Variants in EPB41L4A observed in about 807,000 individuals in gnomAD.
The protein encoded by EPB41L4A is erythrocyte membrane protein band 4.1 like 4A.
EPB41L4A carries 100 observed loss-of-function variants against 108.6 expected under a neutral mutation model. The observed-to-expected ratio is 0.92, with a 90% CI of 0.78 to 1.09. The LOEUF (loss-of-function observed/expected upper bound fraction) is 1.09. Among genes scored for constraint, EPB41L4A ranks in the 50% least tolerant of loss-of-function variants. The probability of loss-of-function intolerance (pLI) is 0.00; values close to 1 mark genes in which losing one functional copy is unlikely to be tolerated. For missense variants in EPB41L4A, 1,030 were observed against 842.7 expected (o/e 1.22, Z -2.75); for synonymous variants, 319 against 289.0 (o/e 1.10, Z -1.05).
At chr5:112,404,660 T>C (rs940676590) in intron 1 of EPB41L4A, among the ~76,000 whole-genome samples, 3 of 152,216 alleles carry the variant, frequency 2.0e-5, no homozygotes, top group African/African-American at 7.2e-5. Flanking sequence ...TTCTTTCTTA[T>C]TGTAGACACT....
chr5:112,369,932 A>G (rs1022661185), intron 1 of EPB41L4A, among the ~76,000 whole-genome samples: 2 of 150,554 alleles, frequency 1.3e-5, no homozygotes, highest in East Asian at 1.9e-4. Context: ...AGGTCTGAAG[A>G]ACTGTTTCCA....
At chr5:112,275,766 A>T (rs919659125) in intron 3 of EPB41L4A, among the ~76,000 whole-genome samples, 2 of 150,220 alleles carry the variant, frequency 1.3e-5, no homozygotes, top group African/African-American at 2.4e-5. Flanking sequence ...CATTTCATTA[A>T]AAAAAAATAG....
At chr5:112,305,585 A>T (rs1450040166) in intron 2 of EPB41L4A, among the ~76,000 whole-genome samples, 1 of 152,118 alleles carries the variant, frequency 6.6e-6, no homozygotes, top group Non-Finnish European at 1.5e-5. Context: ...CTTCTAATAT[A>T]CTTTTGATAA....
At chr5:112,370,622 G>T (rs1057181793) in intron 1 of EPB41L4A, among the ~76,000 whole-genome samples, 2 of 152,134 alleles carry the variant, frequency 1.3e-5, no homozygotes, top group Non-Finnish European at 2.9e-5. Context: ...CAACTTAAAA[G>T]TAAGTAACGA....
At chr5:112,239,229 G>A (rs918026084) in intron 11 of EPB41L4A, among the ~76,000 whole-genome samples, 9 of 152,214 alleles carry the variant, frequency 5.9e-5, no homozygotes, top group Non-Finnish European at 1.2e-4. Flanking sequence ...ATTACTACAT[G>A]CAGGCTTCAT....
chr5:112,339,542 A>AGATATATATATATATATT (rs1554100085), intron 1 of EPB41L4A, among the ~76,000 whole-genome samples: 1 of 110,684 alleles, frequency 9.0e-6, no homozygotes, highest in African/African-American at 2.9e-5. Flanking sequence ...ATATATATAT[A>AGATATATATATATATATT]TTTTTTTTTT....
rs573499376 is a variant in EPB41L4A at position 112,308,241 on chromosome 5, C to T, written c.100-751G>A. On this transcript the variant is annotated intron_variant, in intron 1 of 22. Transcript: ENST00000261486. ...AGATACAGCCTCTTCCTTTCTCTCG[C>T]CCCATCTCTGGCTGGTATAATAAGA... 1.2e-3 allele frequency among the ~76,000 whole-genome samples: 178 copies of T among 152,248 alleles called. 1 individual carries two copies. Among genetic ancestry groups the T allele is most frequent in the African/African-American group, 4.1e-3 (170 of 41,550 alleles).
chr5:112,412,547 A>G (rs1337346971), intron 1 of EPB41L4A, among the ~76,000 whole-genome samples: 1 of 152,238 alleles, frequency 6.6e-6, no homozygotes, highest in African/African-American at 2.4e-5. Context: ...TTTTTGAGTC[A>G]CAAAGTAAAC....
intron 1 of EPB41L4A, among the ~76,000 whole-genome samples, chr5:112,378,530 T>C (rs897220018): frequency 6.6e-6 from 1 of 152,174 alleles, no homozygotes; most frequent in East Asian, 1.9e-4. Context: ...CCAGACATTG[T>C]TTCCTCGATA....
intron 12 of EPB41L4A, among the ~76,000 whole-genome samples, chr5:112,156,196 A>G (rs980854418): frequency 2.0e-5 from 3 of 152,182 alleles, no homozygotes; most frequent in Non-Finnish European, 4.4e-5. Context: ...AAAAAAAACT[A>G]TTAGCAATGT....
intron 12 of EPB41L4A, among the ~76,000 whole-genome samples, chr5:112,218,629 GT>G (rs1231542521): frequency 1.4e-4 from 22 of 152,122 alleles, no homozygotes; most frequent in Admixed American, 8.5e-4. Context: ...TACTTTTGAG[GT>G]TTTTATTTGA....
chr5:112,344,569 GT>G (rs1249426406), intron 1 of EPB41L4A, among the ~76,000 whole-genome samples: 1 of 152,206 alleles, frequency 6.6e-6, no homozygotes, highest in African/African-American at 2.4e-5. Context: ...TACTATGTAG[GT>G]GTGATTGAAG....
intron 9 of EPB41L4A, chr5:112,256,873 G>C (rs1326959790): frequency 6.6e-6 from 1 of 151,964 alleles, no homozygotes; most frequent in Non-Finnish European, 1.5e-5. Flanking sequence ...GGTATTTTCT[G>C]GATTTTCTAC....
intron 18 of EPB41L4A, among the ~76,000 whole-genome samples, chr5:112,171,804 T>C (rs1385560588): frequency 6.6e-6 from 1 of 152,214 alleles, no homozygotes; most frequent in Non-Finnish European, 1.5e-5. Flanking sequence ...GAAAATAAGC[T>C]TTCATCAGTC....
At chr5:112,205,591 A>C in intron 13 of EPB41L4A, 87 bp from the exon 14 acceptor site, 1 of 1,048,020 alleles carries the variant, frequency 9.5e-7, no homozygotes, top group Non-Finnish European at 1.4e-6. Context: ...AAAACTTTTT[A>C]ACAAATGTTA....
chr5:112,403,315 T>C (rs1693103205), intron 1 of EPB41L4A, among the ~76,000 whole-genome samples: 1 of 142,174 alleles, frequency 7.0e-6, no homozygotes, highest in Non-Finnish European at 1.5e-5. Flanking sequence ...TAATGATTTA[T>C]CAAGGTCCTC....
At chr5:112,288,609 T>C (rs1753438038) in intron 2 of EPB41L4A, among the ~76,000 whole-genome samples, 1 of 152,202 alleles carries the variant, frequency 6.6e-6, no homozygotes, top group African/African-American at 2.4e-5. Flanking sequence ...ACTAGTATTA[T>C]GGACTAGTAA....
intron 1 of EPB41L4A, among the ~76,000 whole-genome samples, chr5:112,411,527 T>C (rs983826255): frequency 5.3e-5 from 8 of 152,104 alleles, no homozygotes; most frequent in African/African-American, 1.9e-4. Flanking sequence ...GAGCACCTTT[T>C]ATCCTATGTA....
intron 1 of EPB41L4A, among the ~76,000 whole-genome samples, chr5:112,408,650 T>C (rs1221219065): frequency 1.8e-5 from 2 of 108,686 alleles, no homozygotes; most frequent in East Asian, 6.4e-4. Context: ...CAAACGAGCC[T>C]GGGCAACATG....
Sources: gnomAD v4.1 joint callset for allele counts (sites outside exome capture counted in the v4.1 genomes callset) on GRCh38, gnomAD v4.1.1 for gene constraint, MANE v1.5 for transcripts, NCBI Gene and HGNC (gene_info 2026-07-23, HGNC 2026-07-21) for gene names.